TMCO5A: variants seen among roughly 807,000 people sequenced by gnomAD.
TMCO5A encodes transmembrane and coiled-coil domain-containing protein 5A.
A neutral mutation model predicts 42.3 loss-of-function variants in TMCO5A; 34 were observed. That is an observed-to-expected ratio of 0.80 (90% CI 0.61 to 1.07). TMCO5A has a LOEUF of 1.07. TMCO5A is among the 50% of genes least tolerant of loss of function. TMCO5A has a pLI of 0.00. For missense variants in TMCO5A, 357 were observed against 327.9 expected, an observed-to-expected ratio of 1.09 and a Z score of -0.69; for synonymous variants, 131 against 115.6, an observed-to-expected ratio of 1.13 and a Z score of -0.86.
the TMCO5A span, among the ~76,000 whole-genome samples, chr15:37,995,263 C>A: frequency 6.6e-6 from 1 of 152,180 alleles, no homozygotes; most frequent in Admixed American, 6.5e-5. Flanking sequence ...TCTTTGCCAC[C>A]CACTCCCCCA....
rs546249248 is a variant in TMCO5A at position 37,935,094 on chromosome 15, A to G, written c.-102-163A>G. On this transcript the variant is annotated intron_variant, in intron 1 of 11. Transcript: ENST00000319669. ...GGTATAATCAGAACACGGGCAGAAG[A>G]ATCAAAAGGCTGAGTTTTGTCATGG... is the stretch of plus-strand genomic sequence containing the variant. Among the ~76,000 whole-genome samples the G allele has an allele frequency of 1.3e-4, 20 of 152,254 alleles. No individual in the cohort carries two copies. The South Asian group carries it at 3.7e-3, about 28-fold the overall frequency.
At chr15:38,028,293 G>A in the TMCO5A span, among the ~76,000 whole-genome samples, 3 of 152,190 alleles carry the variant, frequency 2.0e-5, no homozygotes, top group African/African-American at 4.8e-5. Flanking sequence ...TGACCATGTG[G>A]TGTTTAACAG....
At chr15:38,032,175 A>G in the TMCO5A span, among the ~76,000 whole-genome samples, 1 of 152,012 alleles carries the variant, frequency 6.6e-6, no homozygotes, top group East Asian at 1.9e-4. Flanking sequence ...GGCTGGTCTC[A>G]AACTCCCGAC....
chr15:38,040,318 A>G, the TMCO5A span: 1 of 152,212 alleles, frequency 6.6e-6, no homozygotes, highest in Non-Finnish European at 1.5e-5. Context: ...CGTCTTGACC[A>G]TGAGGGCTCC....
chr15:37,938,745 G>A (rs560610423), intron 6 of TMCO5A, among the ~76,000 whole-genome samples: 8 of 152,036 alleles, frequency 5.3e-5, no homozygotes, highest in Non-Finnish European at 5.9e-5. Context: ...TATGTACCCT[G>A]TCCTGGATTC....
the TMCO5A span, among the ~76,000 whole-genome samples, chr15:37,975,918 G>A: frequency 2.0e-5 from 3 of 150,972 alleles, no homozygotes; most frequent in East Asian, 3.9e-4. Flanking sequence ...GACAGTCTAC[G>A]GGTAAGAATT....
chr15:37,966,710 T>C (rs1890565708), exon 12 of TMCO5A: 2 of 702,812 alleles, frequency 2.8e-6, no homozygotes, highest in South Asian at 3.0e-5. Context: ...AGAATAAAAG[T>C]CTTTTCCAAC....
the TMCO5A span, among the ~76,000 whole-genome samples, chr15:37,996,458 C>T: frequency 6.6e-6 from 1 of 152,188 alleles, no homozygotes; most frequent in Non-Finnish European, 1.5e-5. Context: ...AATATGCTCT[C>T]TACCTGTCTA....
At chr15:38,019,348 A>G in the TMCO5A span, among the ~76,000 whole-genome samples, 1 of 152,228 alleles carries the variant, frequency 6.6e-6, no homozygotes, top group African/African-American at 2.4e-5. Flanking sequence ...AAAGGGAAGT[A>G]AAAGCTAACT....
the TMCO5A span, among the ~76,000 whole-genome samples, chr15:38,037,595 AG>A: frequency 1.3e-5 from 2 of 152,232 alleles, no homozygotes; most frequent in Non-Finnish European, 2.9e-5. Context: ...ACCAATAAGT[AG>A]AGAATCAGGG....
chr15:37,977,178 T>A, the TMCO5A span, among the ~76,000 whole-genome samples: 1 of 152,218 alleles, frequency 6.6e-6, no homozygotes, highest in East Asian at 1.9e-4. Context: ...ATATTGATGA[T>A]CTTTGTTCCT....
At chr15:37,979,268 T>C in the TMCO5A span, among the ~76,000 whole-genome samples, 1 of 151,766 alleles carries the variant, frequency 6.6e-6, no homozygotes, top group Non-Finnish European at 1.5e-5. Context: ...GTCCTTAGTC[T>C]TTTTGCTCCC....
the TMCO5A span, among the ~76,000 whole-genome samples, chr15:37,988,981 A>G: frequency 5.3e-5 from 8 of 151,784 alleles, no homozygotes; most frequent in African/African-American, 1.9e-4. Context: ...GGTTTTCTTT[A>G]TTGGGATTTT....
chr15:38,037,269 C>T, the TMCO5A span, among the ~76,000 whole-genome samples: 1 of 152,328 alleles, frequency 6.6e-6, no homozygotes, highest in Non-Finnish European at 1.5e-5. Context: ...TTAGAATCAG[C>T]TCTATGTTGG....
chr15:37,937,211 A>G, intron 4 of TMCO5A, 135 bp from the exon 5 acceptor site: 2 of 1,155,180 alleles, frequency 1.7e-6, no homozygotes, highest in Non-Finnish European at 2.5e-6. Flanking sequence ...TTTGATTTCA[A>G]TATACACATG....
At chr15:37,960,800 CAT>C (rs1219761951) in intron 11 of TMCO5A, among the ~76,000 whole-genome samples, 1 of 152,030 alleles carries the variant, frequency 6.6e-6, no homozygotes, top group Non-Finnish European at 1.5e-5. Flanking sequence ...AGCATTTTTT[CAT>C]ATGTTTGTTG....
chr15:37,936,133 C>A lies in TMCO5A; in HGVS notation c.-10-181C>A, dbSNP rs765552900. The A allele has an allele frequency of 6.6e-6, 4 of 606,692 alleles. No individual in the cohort carries two copies. The Admixed American group carries it at 1.6e-4, about 24-fold the overall frequency. The allele number at this position is 606,692 out of a possible 1,614,324, so 37.6% of individuals were successfully genotyped here. On this transcript the variant is annotated intron_variant, in intron 2 of 11. Transcript: ENST00000319669. The stretch of plus-strand genomic sequence containing the variant: ...GGAAAGACCCTTGCTGACTGAGCTG[C>A]GAATTATCGAAACAGTTGTAGAGCA...
the TMCO5A span, among the ~76,000 whole-genome samples, chr15:38,003,949 C>G: frequency 6.6e-6 from 1 of 152,088 alleles, no homozygotes; most frequent in African/African-American, 2.4e-5. Flanking sequence ...CTCTTCTTAC[C>G]TCTTCTTTCC....
At chr15:38,032,693 T>C in the TMCO5A span, among the ~76,000 whole-genome samples, 1 of 152,304 alleles carries the variant, frequency 6.6e-6, no homozygotes, top group South Asian at 2.1e-4. Flanking sequence ...GCAGAGGCCA[T>C]GTCCATAATT....
Sources: gnomAD v4.1 joint callset for allele counts (sites outside exome capture counted in the v4.1 genomes callset) on GRCh38, gnomAD v4.1.1 for gene constraint, MANE v1.5 for transcripts, NCBI Gene and HGNC (gene_info 2026-07-23, HGNC 2026-07-21) for gene names.